The following NLGN3 variants were observed in gnomAD, a reference collection of about 807,000 sequenced individuals.
NLGN3 encodes neuroligin-3.
A neutral mutation model predicts 42.9 loss-of-function variants in NLGN3; 11 were observed. That is an observed-to-expected ratio of 0.26 (90% CI 0.16 to 0.42). The LOEUF (loss-of-function observed/expected upper bound fraction) is 0.42. Among genes scored for constraint, NLGN3 ranks in the 10% least tolerant of loss-of-function variants. The pLI is 1.00. For missense variants in NLGN3, 374 were observed against 733.8 expected (o/e 0.51, Z 5.67); for synonymous variants, 279 against 312.7 (o/e 0.89, Z 1.14).
chrX:71,168,367 C>T (rs2092453905), intron 7 of NLGN3, among the ~76,000 whole-genome samples: 1 of 109,906 alleles, frequency 9.1e-6, no homozygotes. Context: ...CACACATATA[C>T]ACACACACAC....
intron 1 of NLGN3, among the ~76,000 whole-genome samples, chrX:71,147,011 C>T (rs772501411): frequency 2.1e-4 from 23 of 111,247 alleles, no homozygotes; most frequent in African/African-American, 4.6e-4. Context: ...ATGGCTGTCC[C>T]GCCCTCTGCC....
intron 5 of NLGN3, among the ~76,000 whole-genome samples, chrX:71,162,188 A>G (rs1204098750): frequency 1.8e-5 from 2 of 110,014 alleles, no homozygotes; most frequent in African/African-American, 6.6e-5. Context: ...CAGTGGGGTA[A>G]TAACAGCTCA....
downstream of NLGN3, among the ~76,000 whole-genome samples, chrX:71,175,265 C>CT (rs1435723606): frequency 9.0e-6 from 1 of 111,404 alleles, no homozygotes; most frequent in African/African-American, 3.3e-5. Context: ...CTTTTCCTTC[C>CT]TTTTTTATGA....
intron 5 of NLGN3, among the ~76,000 whole-genome samples, 186 bp downstream of exon 5, chrX:71,155,549 C>T (rs1404204541): frequency 8.9e-6 from 1 of 112,222 alleles, no homozygotes; most frequent in East Asian, 2.8e-4. Context: ...CAGGCCCTTT[C>T]TTGGAAGGTT....
intron 5 of NLGN3, among the ~76,000 whole-genome samples, chrX:71,158,449 A>G (rs1229635242): frequency 3.6e-5 from 4 of 112,409 alleles, no homozygotes; most frequent in Non-Finnish European, 5.6e-5. Flanking sequence ...ATGCAGACAC[A>G]TGTACACGGT....
rs2092431273 is a variant in NLGN3 at position 71,161,790 on chromosome X, A to T, written c.728-2353A>T. Among the ~76,000 whole-genome samples, 4 of 112,057 alleles carry T rather than the reference A, an allele frequency of 3.6e-5. No homozygotes were observed. In the South Asian group the frequency reaches 1.5e-3, roughly 42 times the overall value. ...ACTCCTTCTAAAAAAAAATAAATAA[A>T]TAATAAATAAATCCTCCATCCAGCC... On this transcript the variant is annotated intron_variant, in intron 5 of 7. Coordinates refer to ENST00000358741, the MANE Select transcript of NLGN3 (RefSeq NM_181303.2).
chrX:71,151,316 GA>G (rs576016822), intron 3 of NLGN3, among the ~76,000 whole-genome samples: 163 of 100,868 alleles, frequency 1.6e-3, no homozygotes, highest in African/African-American at 4.6e-3. Flanking sequence ...TCTAAAAAAA[GA>G]AAAAAAAAAA....
At chrX:71,157,030 A>G (rs977248212) in intron 5 of NLGN3, among the ~76,000 whole-genome samples, 13 of 111,399 alleles carry the variant, frequency 1.2e-4, no homozygotes, top group African/African-American at 4.2e-4. Context: ...GCATCCCTGT[A>G]GTGGCATGAA....
chrX:71,170,186 C>CGCAG lies in NLGN3; in HGVS notation c.*89_*90insGCAG. On this transcript the variant is annotated 3_prime_UTR_variant, in exon 8 of 8. Coordinates refer to ENST00000358741, the MANE Select transcript of NLGN3 (RefSeq NM_181303.2). ...ACACACACACACACACACGCAGACA[C>CGCAG]ACACACACACACACATATATGTATA... 1 of 1,126,031 alleles carries CGCAG rather than the reference C, an allele frequency of 8.9e-7. No homozygotes were observed. The highest frequency in any genetic ancestry group is 1.9e-5 in the South Asian group (1 of 51,890). 92.8% of individuals were successfully genotyped at this position (1,126,031 alleles called of 1,213,427 possible). A position where few individuals can be genotyped will look rare whatever the true frequency, so the allele number is the denominator to read the frequency against.
downstream of NLGN3, among the ~76,000 whole-genome samples, chrX:71,172,051 T>G (rs979533198): frequency 9.0e-6 from 1 of 111,495 alleles, no homozygotes; most frequent in African/African-American, 3.3e-5. Context: ...ACAGGTAGTG[T>G]GTACAAAGAC....
chrX:71,153,421 C>T, intron 3 of NLGN3, 56 bp from the exon 4 acceptor site: 1 of 1,124,080 alleles, frequency 8.9e-7, no homozygotes, highest in Non-Finnish European at 1.2e-6. Context: ...TTTGAATTCT[C>T]TCTCTGTTTT....
At chrX:71,155,698 C>G (rs192994438) in intron 5 of NLGN3, among the ~76,000 whole-genome samples, 63 of 111,441 alleles carry the variant, frequency 5.7e-4, no homozygotes, top group African/African-American at 2.0e-3. Context: ...CTCTACCCAC[C>G]CGCCCCACAT....
rs2092462427 is a variant in NLGN3 at position 71,169,369 on chromosome X, G to A, written c.1819G>A (p.Gly607Arg). The change falls in exon 8 of 8, where the codon GGG becomes AGG. Residue 607 changes from glycine (G) to arginine (R), a missense_variant. Gly to Arg is a moderately radical substitution (Grantham distance 125). Coordinates refer to ENST00000358741, the MANE Select transcript of NLGN3 (RefSeq NM_181303.2). ...NPRDQLYLHI[G>R]LKPRVRDHYR... ...CCGAGACCAGCTCTACCTTCACATCGGGCTGAAACCAAGGGTCCGAGATCA... is the reference window on the plus strand; with the variant it reads ...CCGAGACCAGCTCTACCTTCACATCAGGCTGAAACCAAGGGTCCGAGATCA... 8.3e-7 allele frequency: 1 copy of A among 1,203,234 alleles called. No homozygotes were observed. Among genetic ancestry groups the A allele is most frequent in the African/African-American group, 1.8e-5 (1 of 56,626 alleles).
At chrX:71,166,927 G>A in intron 6 of NLGN3, 84 bp from the exon 7 acceptor site, 6 of 873,252 alleles carry the variant, frequency 6.9e-6, no homozygotes, top group South Asian at 2.1e-5. Context: ...AAACCATGGG[G>A]CAGCCTCAGT....
At chrX:71,148,351 C>A (rs759497711) in intron 2 of NLGN3, 145 bp downstream of exon 2, 25 of 496,931 alleles carry the variant, frequency 5.0e-5, no homozygotes, top group African/African-American at 7.3e-5. Flanking sequence ...TGGCCTCCCA[C>A]CCCCCTCCCT....
At chrX:71,166,108 G>T (rs2092446084) in intron 6 of NLGN3, among the ~76,000 whole-genome samples, 1 of 109,497 alleles carries the variant, frequency 9.1e-6, no homozygotes. Flanking sequence ...TGGGGGACTG[G>T]CTCCCTCTCT....
chrX:71,160,181 C>T (rs1163622824), intron 5 of NLGN3, among the ~76,000 whole-genome samples: 2 of 106,826 alleles, frequency 1.9e-5, no homozygotes, highest in East Asian at 2.9e-4. Context: ...TCAGGCGGTT[C>T]ACTCTAAGGT....
chrX:71,148,724 G>T, intron 2 of NLGN3, 122 bp from the exon 3 acceptor site: 1 of 543,703 alleles, frequency 1.8e-6, no homozygotes, highest in Middle Eastern at 5.4e-4. Flanking sequence ...GAGATGGTGG[G>T]ACAGGCTCTC....
intron 6 of NLGN3, 87 bp from the exon 7 acceptor site, chrX:71,166,924 G>T: frequency 1.2e-6 from 1 of 855,139 alleles, no homozygotes; most frequent in South Asian, 2.2e-5. Context: ...TTTAAACCAT[G>T]GGGCAGCCTC....
Sources: gnomAD v4.1 joint callset for allele counts (sites outside exome capture counted in the v4.1 genomes callset) on GRCh38, gnomAD v4.1.1 for gene constraint, MANE v1.5 for transcripts, NCBI Gene and HGNC (gene_info 2026-07-23, HGNC 2026-07-21) for gene names.